CA10: variants seen among roughly 807,000 people sequenced by gnomAD.
The protein encoded by CA10 is carbonic anhydrase 10 (inactive).
CA10 carries 14 observed loss-of-function variants against 44.2 expected under a neutral mutation model. The ratio of observed to expected loss-of-function variants is 0.32; its 90% CI spans 0.21 to 0.50. The LOEUF (loss-of-function observed/expected upper bound fraction) is 0.50. CA10 is among the 20% of genes least tolerant of loss of function. The pLI is 0.99. For missense variants in CA10, 350 were observed against 409.7 expected, an observed-to-expected ratio of 0.85 and a Z score of 1.26; for synonymous variants, 159 against 141.6, an observed-to-expected ratio of 1.12 and a Z score of -0.87.
intron 6 of CA10, among the ~76,000 whole-genome samples, chr17:51,644,423 G>T (rs1010772238): frequency 1.3e-5 from 2 of 152,150 alleles, no homozygotes; most frequent in East Asian, 3.9e-4. Flanking sequence ...TTTCAAAAGT[G>T]AGGACATGTC....
chr17:51,958,391 T>C (rs1983749278), intron 2 of CA10, among the ~76,000 whole-genome samples: 7 of 152,030 alleles, frequency 4.6e-5, no homozygotes, highest in Admixed American at 4.6e-4. Context: ...ATGAATCTCA[T>C]TTAGAAATTA....
At chr17:51,878,143 CAAAAA>C (rs558014863) in intron 3 of CA10, among the ~76,000 whole-genome samples, 1 of 63,686 alleles carries the variant, frequency 1.6e-5, no homozygotes. Context: ...GACTCCGTCT[CAAAAA>C]AAAAAAAAAA....
chr17:51,771,122 CAAAAAAAAAAAA>C (rs71357854), intron 3 of CA10, among the ~76,000 whole-genome samples: 1 of 37,664 alleles, frequency 2.7e-5, no homozygotes, highest in Non-Finnish European at 4.3e-5. Flanking sequence ...GACTCCGTCT[CAAAAAAAAAAAA>C]AAAAAAAAAA....
chr17:52,137,135 T>C (rs1250204551), intron 1 of CA10, among the ~76,000 whole-genome samples: 2 of 151,968 alleles, frequency 1.3e-5, no homozygotes, highest in Non-Finnish European at 2.9e-5. Flanking sequence ...AGGCCAGAGC[T>C]TGGCACACAG....
Position 52,157,852 on chromosome 17 carries a change from G to GGCACACACACATACACACTC in CA10, c.-86_-67dup, listed in dbSNP as rs1475247087. 3 of 1,256,502 alleles carry GGCACACACACATACACACTC rather than the reference G, an allele frequency of 2.4e-6. No individual in the cohort carries two copies. Among genetic ancestry groups the GGCACACACACATACACACTC allele is most frequent in the Non-Finnish European group, 3.5e-6 (3 of 853,642 alleles). 77.8% of individuals were successfully genotyped at this position (1,256,502 alleles called of 1,614,324 possible). On this transcript the variant is annotated 5_prime_UTR_variant, in exon 1 of 9. It adds an upstream start codon to the 5' untranslated region. Transcript: ENST00000451037. ...CGGGGGGAAGGGGGGAGCCCGACAC[G>GGCACACACACATACACACTC]GCACACACACATACACACTCGCACA...
chr17:51,770,066 A>G (rs967800975), intron 3 of CA10, among the ~76,000 whole-genome samples: 1 of 151,620 alleles, frequency 6.6e-6, no homozygotes, highest in Non-Finnish European at 1.5e-5. Flanking sequence ...AAGATTCTAT[A>G]TCTCTGTTGC....
At chr17:51,920,441 G>T (rs1446030459) in intron 3 of CA10, among the ~76,000 whole-genome samples, 1 of 151,910 alleles carries the variant, frequency 6.6e-6, no homozygotes, top group Non-Finnish European at 1.5e-5. Context: ...GAAAAAATGA[G>T]AAAAAATGAG....
intron 1 of CA10, among the ~76,000 whole-genome samples, chr17:52,127,037 C>A (rs1449978474): frequency 6.6e-6 from 1 of 152,180 alleles, no homozygotes; most frequent in Non-Finnish European, 1.5e-5. Flanking sequence ...CACATGCTCA[C>A]AATAATTCAG....
chr17:51,969,179 A>T (rs2144065616), intron 2 of CA10, among the ~76,000 whole-genome samples: 1 of 152,106 alleles, frequency 6.6e-6, no homozygotes, highest in African/African-American at 2.4e-5. Flanking sequence ...CTAGTTCTCC[A>T]CTCAACACTC....
At chr17:51,914,221 A>T (rs550789132) in intron 3 of CA10, among the ~76,000 whole-genome samples, 1 of 151,302 alleles carries the variant, frequency 6.6e-6, no homozygotes, top group South Asian at 2.1e-4. Context: ...CTCATTTCAC[A>T]GTAAGAGACA....
intron 2 of CA10, among the ~76,000 whole-genome samples, chr17:52,032,561 G>A (rs1986499485): frequency 6.6e-6 from 1 of 152,066 alleles, no homozygotes; most frequent in South Asian, 2.1e-4. Flanking sequence ...TAAGAAAATG[G>A]GCTATGCCTC....
rs1449626521 is a variant in CA10, at chr17:52,029,463, G to T, written c.136+42856C>A. Among the ~76,000 whole-genome samples the T allele has an allele frequency of 2.6e-5, 4 of 152,230 alleles. No individual in the cohort carries two copies. The South Asian group carries it at 6.2e-4, about 24-fold the overall frequency. ...TAATCCTGTTCAGATTGAAGCAGGG[G>T]TGTATTAATAGAGCGCAGGTCTTGG... On this transcript the variant is annotated intron_variant, in intron 2 of 8. Coordinates refer to ENST00000451037, the MANE Select transcript of CA10 (RefSeq NM_020178.5).
At chr17:51,676,265 C>T (rs1012280515) in intron 4 of CA10, among the ~76,000 whole-genome samples, 2 of 152,164 alleles carry the variant, frequency 1.3e-5, no homozygotes, top group Non-Finnish European at 2.9e-5. Flanking sequence ...GAAGAGTTCA[C>T]GAGATAGTGT....
chr17:51,903,128 G>A (rs975948659), intron 3 of CA10, among the ~76,000 whole-genome samples: 8 of 152,064 alleles, frequency 5.3e-5, no homozygotes, highest in African/African-American at 1.2e-4. Flanking sequence ...TTATACAGAC[G>A]TACATTAAAT....
chr17:52,099,633 GA>G (rs1988489407), intron 1 of CA10, among the ~76,000 whole-genome samples: 1 of 152,158 alleles, frequency 6.6e-6, no homozygotes, highest in South Asian at 2.1e-4. Context: ...CTGACTGTTG[GA>G]AATAAGAGTC....
intron 3 of CA10, among the ~76,000 whole-genome samples, chr17:51,835,456 A>G (rs929452198): frequency 1.3e-5 from 2 of 152,230 alleles, no homozygotes; most frequent in Admixed American, 1.3e-4. Flanking sequence ...CATCCCAGCT[A>G]TCTATGGCTT....
At chr17:52,135,831 C>T (rs1567744881) in intron 1 of CA10, among the ~76,000 whole-genome samples, 1 of 152,150 alleles carries the variant, frequency 6.6e-6, no homozygotes, top group African/African-American at 2.4e-5. Flanking sequence ...ATGTGAAACC[C>T]CCACCCTAAG....
rs1358251644 is a variant in CA10 at position 51,691,331 on chromosome 17, G to T, written c.466-37595C>A. 2.0e-5 allele frequency among the ~76,000 whole-genome samples: 3 copies of T among 152,304 alleles called. No homozygotes were observed. In the East Asian group the frequency reaches 5.8e-4, roughly 29 times the overall value. On this transcript the variant is annotated intron_variant, in intron 4 of 8. Coordinates refer to ENST00000451037, the MANE Select transcript of CA10 (RefSeq NM_020178.5). The stretch of plus-strand genomic sequence containing the variant: ...TCATTTGCATTTGATGATTAGGGAT[G>T]TTGAACATTTTTTCATATACCTATT...
chr17:51,786,880 A>G (rs1481200462), intron 3 of CA10, among the ~76,000 whole-genome samples: 1 of 152,084 alleles, frequency 6.6e-6, no homozygotes, highest in African/African-American at 2.4e-5. Context: ...GATTTTTATC[A>G]TGAAGGAATG....
Sources: allele counts gnomAD v4.1 joint callset (sites outside exome capture counted in the v4.1 genomes callset), GRCh38; gene constraint gnomAD v4.1.1; transcripts MANE v1.5; gene names NCBI Gene and HGNC (gene_info 2026-07-23, HGNC 2026-07-21).